Variants in SEM1 observed in about 807,000 individuals in gnomAD.
SEM1 encodes the protein SEM1 26S proteasome subunit.
Under a neutral mutation model 12.7 loss-of-function variants are expected in SEM1, and 3 were observed. The ratio of observed to expected loss-of-function variants is 0.24; its 90% CI spans 0.11 to 0.61. The LOEUF is 0.61. Ranked by LOEUF, SEM1 falls within the 20% of genes least tolerant of loss-of-function variation. SEM1 has a pLI of 0.88. For missense variants in SEM1, 59 were observed against 81.3 expected (o/e 0.73, Z 1.06); for synonymous variants, 30 against 27.8 (o/e 1.08, Z -0.25).
chr7:96,689,893 G>A (rs1789877491), intron 2 of SEM1, among the ~76,000 whole-genome samples: 1 of 152,034 alleles, frequency 6.6e-6, no homozygotes, highest in Non-Finnish European at 1.5e-5. Context: ...TGCTTCCTTT[G>A]GGCCCTTCCC....
intron 2 of SEM1, among the ~76,000 whole-genome samples, chr7:96,527,263 G>A (rs967154702): frequency 2.6e-5 from 4 of 152,174 alleles, no homozygotes; most frequent in Non-Finnish European, 4.4e-5. Context: ...ACAATGACAC[G>A]TGACTTAATG....
chr7:96,584,297 C>T (rs1806531210), intron 2 of SEM1, among the ~76,000 whole-genome samples: 1 of 152,240 alleles, frequency 6.6e-6, no homozygotes, highest in South Asian at 2.1e-4. Flanking sequence ...ATATTGGCCC[C>T]CACTCTCTTC....
chr7:96,529,746 G>T (rs1381597584), intron 2 of SEM1, among the ~76,000 whole-genome samples: 1 of 152,136 alleles, frequency 6.6e-6, no homozygotes, highest in African/African-American at 2.4e-5. Flanking sequence ...ACTCACCTCA[G>T]CAATCGTTGG....
At chr7:96,705,443 T>G (rs1790422669) in intron 1 of SEM1, among the ~76,000 whole-genome samples, 1 of 152,230 alleles carries the variant, frequency 6.6e-6, no homozygotes, top group African/African-American at 2.4e-5. Flanking sequence ...TTCCCTCTTT[T>G]ACTCGAATCC....
chr7:96,581,386 G>C (rs1806400833), intron 2 of SEM1, among the ~76,000 whole-genome samples: 2 of 152,036 alleles, frequency 1.3e-5, no homozygotes, highest in South Asian at 4.2e-4. Flanking sequence ...TTGTAGTATA[G>C]TTTGAAGTCA....
intron 2 of SEM1, among the ~76,000 whole-genome samples, chr7:96,566,653 G>A (rs1286957968): frequency 6.6e-6 from 1 of 151,424 alleles, no homozygotes; most frequent in African/African-American, 2.4e-5. Flanking sequence ...TTTTATGTAG[G>A]CAAATTTATC....
intron 3 of SEM1, chr7:96,484,014 T>C (rs757303721): frequency 5.3e-5 from 78 of 1,478,530 alleles, no homozygotes; most frequent in Middle Eastern, 3.5e-4. Context: ...ATAAATGCTG[T>C]GGGCCAGGAA....
chr7:96,484,724 C>T lies in SEM1; in HGVS notation c.257+101G>A, dbSNP rs550163868. On this transcript the variant is annotated intron_variant, in intron 3 of 3. Coordinates refer to the SEM1 transcript ENST00000356686. The stretch of plus-strand genomic sequence containing the variant: ...AGCGCCTCCCAAATCCTAACTCTTC[C>T]GAATGACTCAATTTCACTGGCATCA... The T allele has an allele frequency of 3.4e-3, 2,117 of 630,200 alleles. 12 individuals carry two copies. The highest frequency in any genetic ancestry group is 0.013 in the Middle Eastern group (32 of 2,478). The allele number at this position is 630,200 out of a possible 1,614,324, so 39.0% of individuals were successfully genotyped here.
At chr7:96,551,112 T>G (rs1233494755) in intron 2 of SEM1, among the ~76,000 whole-genome samples, 8 of 152,042 alleles carry the variant, frequency 5.3e-5, no homozygotes, top group Non-Finnish European at 8.8e-5. Flanking sequence ...GGAGAGCACT[T>G]AAGACAATGC....
intron 2 of SEM1, among the ~76,000 whole-genome samples, chr7:96,651,597 A>G (rs1239844960): frequency 6.6e-6 from 1 of 152,132 alleles, no homozygotes; most frequent in African/African-American, 2.4e-5. Context: ...TTTGAGACAG[A>G]GTCTTGCTCT....
chr7:96,650,333 T>C (rs1309107430), intron 2 of SEM1: 1 of 509,876 alleles, frequency 2.0e-6, no homozygotes, highest in East Asian at 3.2e-5. Flanking sequence ...AAGTCCTCTT[T>C]GTCTTGTGAG....
intron 2 of SEM1, among the ~76,000 whole-genome samples, chr7:96,560,559 G>A (rs4727339): frequency 1.3e-5 from 2 of 151,778 alleles, no homozygotes; most frequent in African/African-American, 4.8e-5. Flanking sequence ...TTCCAAATAC[G>A]TTTTTTACAT....
chr7:96,674,926 G>A (rs868611230), intron 2 of SEM1, among the ~76,000 whole-genome samples: 23 of 152,276 alleles, frequency 1.5e-4, no homozygotes, highest in African/African-American at 5.1e-4. Context: ...ACAAGCACGA[G>A]GGTCCTCCAT....
intron 2 of SEM1, among the ~76,000 whole-genome samples, chr7:96,520,150 A>G (rs1209763240): frequency 7.9e-4 from 120 of 152,276 alleles, no homozygotes; most frequent in Non-Finnish European, 5.9e-5. Flanking sequence ...ATACATACAG[A>G]TGAAGATATG....
intron 2 of SEM1, among the ~76,000 whole-genome samples, chr7:96,692,823 A>G (rs1237198819): frequency 6.6e-6 from 1 of 152,112 alleles, no homozygotes; most frequent in African/African-American, 2.4e-5. Flanking sequence ...CAACATAATT[A>G]AGACAAAATT....
At chr7:96,625,653 A>G (rs970471987) in intron 2 of SEM1, among the ~76,000 whole-genome samples, 2 of 152,216 alleles carry the variant, frequency 1.3e-5, no homozygotes, top group Non-Finnish European at 2.9e-5. Flanking sequence ...AGTCATCTGC[A>G]TATATGATAA....
intron 1 of SEM1, among the ~76,000 whole-genome samples, chr7:96,489,874 A>T (rs1050743911): frequency 2.0e-5 from 3 of 152,142 alleles, no homozygotes; most frequent in Non-Finnish European, 4.4e-5. Context: ...CAATGACTAG[A>T]TTTAAGTCTT....
At chr7:96,597,128 T>G (rs562422372) in intron 2 of SEM1, among the ~76,000 whole-genome samples, 72 of 152,330 alleles carry the variant, frequency 4.7e-4, no homozygotes, top group African/African-American at 1.7e-3. Context: ...TGTTTTCTCC[T>G]TTGCCACTGA....
At chr7:96,526,269 C>T (rs1419942633) in intron 2 of SEM1, among the ~76,000 whole-genome samples, 1 of 151,848 alleles carries the variant, frequency 6.6e-6, no homozygotes, top group Non-Finnish European at 1.5e-5. Flanking sequence ...CCTCCTTAGG[C>T]CTAAAGCATT....
Sources: gnomAD v4.1 joint callset for allele counts (sites outside exome capture counted in the v4.1 genomes callset) on GRCh38, gnomAD v4.1.1 for gene constraint, MANE v1.5 for transcripts, NCBI Gene and HGNC (gene_info 2026-07-23, HGNC 2026-07-21) for gene names.